The following CGNL1 variants were observed in gnomAD, a reference collection of about 807,000 sequenced individuals.
CGNL1 encodes the protein cingulin like 1.
Under a neutral mutation model 141.2 loss-of-function variants are expected in CGNL1, and 132 were observed. That is an observed-to-expected ratio of 0.93 (90% CI 0.81 to 1.08). The LOEUF (loss-of-function observed/expected upper bound fraction) is 1.08. Among genes scored for constraint, CGNL1 ranks in the 50% least tolerant of loss-of-function variants. The probability of loss-of-function intolerance (pLI) is 0.00; values close to 1 mark genes in which losing one functional copy is unlikely to be tolerated. For missense variants in CGNL1, 1,870 were observed against 1,588.6 expected, an observed-to-expected ratio of 1.18 and a Z score of -3.01; for synonymous variants, 690 against 622.1, an observed-to-expected ratio of 1.11 and a Z score of -1.63.
chr15:57,479,608 G>C (rs763143153), intron 8 of CGNL1, among the ~76,000 whole-genome samples: 3 of 152,220 alleles, frequency 2.0e-5, no homozygotes, highest in Non-Finnish European at 4.4e-5. Context: ...AGGTTGCAGT[G>C]AGCCGAGATT....
intron 1 of CGNL1, among the ~76,000 whole-genome samples, chr15:57,427,387 A>T (rs762876299): frequency 6.6e-6 from 1 of 152,204 alleles, no homozygotes; most frequent in Non-Finnish European, 1.5e-5. Flanking sequence ...TATCATTTAT[A>T]GCACAGTCTC....
At position 57,442,630 on chromosome 15, in the gene CGNL1, A is replaced by G. The variant is rs556349979; in HGVS notation, c.1803+152A>G. ...CTCTTCATGTTTTACATGTTGCAGC[A>G]ACATTTTATTGAGACAGAGTCTCTG... On this transcript the variant is annotated intron_variant, in intron 4 of 18. Coordinates refer to ENST00000281282, the MANE Select transcript of CGNL1 (RefSeq NM_032866.5). 159 of 534,900 alleles carry G rather than the reference A, an allele frequency of 3.0e-4. No individual in the cohort carries two copies. The Admixed American group carries it at 4.0e-3, about 14-fold the overall frequency. The allele number at this position is 534,900 out of a possible 1,614,324, so 33.1% of individuals were successfully genotyped here. A position where few individuals can be genotyped will look rare whatever the true frequency, so the allele number is the denominator to read the frequency against.
intron 1 of CGNL1, among the ~76,000 whole-genome samples, chr15:57,387,409 G>C (rs894588222): frequency 3.9e-5 from 6 of 151,900 alleles, no homozygotes; most frequent in African/African-American, 1.5e-4. Flanking sequence ...ATCCTTCTTG[G>C]CCAGCCTTAT....
At chr15:57,406,401 G>A (rs2062723711) in intron 1 of CGNL1, among the ~76,000 whole-genome samples, 1 of 152,170 alleles carries the variant, frequency 6.6e-6, no homozygotes, top group South Asian at 2.1e-4. Context: ...AAGAGAAGGA[G>A]GGCAGAGCAT....
intron 8 of CGNL1, among the ~76,000 whole-genome samples, chr15:57,485,015 T>G (rs189286155): frequency 1.9e-4 from 29 of 152,108 alleles, no homozygotes; most frequent in African/African-American, 6.7e-4. Context: ...GGGTTTATAT[T>G]GCTCTTCCTT....
intron 8 of CGNL1, among the ~76,000 whole-genome samples, chr15:57,472,134 G>C (rs74016214): frequency 0.019 from 2,833 of 152,174 alleles, 82 homozygotes; most frequent in African/African-American, 0.064. Flanking sequence ...GAAGTTCAGG[G>C]AGGGAGAAAA....
At chr15:57,385,402 G>A (rs2062471844) in intron 1 of CGNL1, among the ~76,000 whole-genome samples, 1 of 152,208 alleles carries the variant, frequency 6.6e-6, no homozygotes, top group Admixed American at 6.5e-5. Context: ...GGGCGTGGGG[G>A]CGCATGCCTG....
At chr15:57,461,970 C>T (rs970959696) in intron 8 of CGNL1, 78 bp downstream of exon 8, 8 of 1,027,224 alleles carry the variant, frequency 7.8e-6, no homozygotes, top group African/African-American at 6.3e-5. Context: ...ACTGCAAATC[C>T]CCTTCATTCC....
At chr15:57,489,936 A>G (rs1348391926) in intron 8 of CGNL1, among the ~76,000 whole-genome samples, 8 of 152,194 alleles carry the variant, frequency 5.3e-5, no homozygotes, top group African/African-American at 1.7e-4. Context: ...CTGTTACTAG[A>G]AAAATAAAAA....
At chr15:57,524,241 C>T (rs2031462780) in intron 11 of CGNL1, among the ~76,000 whole-genome samples, 1 of 152,214 alleles carries the variant, frequency 6.6e-6, no homozygotes, top group African/African-American at 2.4e-5. Flanking sequence ...CTGACAACAA[C>T]CCTGTAAGGT....
chr15:57,485,944 G>A (rs1172213304), intron 8 of CGNL1, among the ~76,000 whole-genome samples: 2 of 152,132 alleles, frequency 1.3e-5, no homozygotes, highest in Non-Finnish European at 2.9e-5. Context: ...TAATAGTCTA[G>A]CATTGGCCCC....
At chr15:57,487,675 G>C (rs1465000891) in intron 8 of CGNL1, among the ~76,000 whole-genome samples, 1 of 152,176 alleles carries the variant, frequency 6.6e-6, no homozygotes, top group African/African-American at 2.4e-5. Flanking sequence ...TGAGTTGCTA[G>C]CTTTGTAGAT....
At chr15:57,523,835 C>T (rs1297174852) in intron 11 of CGNL1, among the ~76,000 whole-genome samples, 194 bp downstream of exon 11, 2 of 152,184 alleles carry the variant, frequency 1.3e-5, no homozygotes, top group Non-Finnish European at 1.5e-5. Context: ...AACATTAATG[C>T]CAGTACCCTC....
At chr15:57,451,642 C>A in intron 5 of CGNL1, 41 bp downstream of exon 5, 1 of 1,438,204 alleles carries the variant, frequency 7.0e-7, no homozygotes, top group Non-Finnish European at 9.7e-7. Flanking sequence ...CCATTTCTGT[C>A]TTGGTTGATA....
intron 1 of CGNL1, among the ~76,000 whole-genome samples, chr15:57,405,395 G>T (rs989827725): frequency 2.0e-5 from 3 of 152,190 alleles, no homozygotes; most frequent in African/African-American, 7.2e-5. Context: ...GCTACCCTTA[G>T]GTGCTGCTCC....
At position 57,543,806 on chromosome 15, in the gene CGNL1, C is replaced by A. The variant is rs116199579; in HGVS notation, c.3375+27C>A. The stretch of plus-strand genomic sequence containing the variant: ...TGAGGGCAGCCAGCCTGTGAGCTGC[C>A]CCCCCGTCCATCCGCTAACCCTCCC... On this transcript the variant is annotated intron_variant, in intron 15 of 18. Coordinates refer to ENST00000281282, the MANE Select transcript of CGNL1 (RefSeq NM_032866.5). 4.1e-3 allele frequency: 6,505 copies of A among 1,570,948 alleles called. 166 individuals carry two copies. In the African/African-American group the frequency reaches 0.064, roughly 15 times the overall value.
At chr15:57,502,706 A>G (rs1414523869) in intron 8 of CGNL1, among the ~76,000 whole-genome samples, 57 of 152,206 alleles carry the variant, frequency 3.7e-4, no homozygotes, top group Admixed American at 2.7e-3. Flanking sequence ...ACTTATGAAC[A>G]TGTTGAACTT....
At chr15:57,407,133 T>C (rs1159980685) in intron 1 of CGNL1, 1 of 152,198 alleles carries the variant, frequency 6.6e-6, no homozygotes, top group East Asian at 1.9e-4. Flanking sequence ...TCTGTATACA[T>C]GAAGAATTTC....
chr15:57,476,331 A>G (rs1227371804), intron 8 of CGNL1, among the ~76,000 whole-genome samples: 2 of 152,180 alleles, frequency 1.3e-5, no homozygotes, highest in African/African-American at 4.8e-5. Context: ...TTCTTGAACC[A>G]AAGTATGTCT....
Sources: gnomAD v4.1 joint callset for allele counts (sites outside exome capture counted in the v4.1 genomes callset) on GRCh38, gnomAD v4.1.1 for gene constraint, MANE v1.5 for transcripts, NCBI Gene and HGNC (gene_info 2026-07-23, HGNC 2026-07-21) for gene names.